Variants in DPP10 observed in about 807,000 individuals in gnomAD.
DPP10 encodes dipeptidyl peptidase like 10.
A neutral mutation model predicts 120.9 loss-of-function variants in DPP10; 33 were observed. The observed-to-expected ratio is 0.27, with a 90% CI of 0.21 to 0.37. DPP10 has a LOEUF of 0.37. Ranked by LOEUF, DPP10 falls within the 10% of genes least tolerant of loss-of-function variation. DPP10 has a pLI of 1.00. For missense variants in DPP10, 816 were observed against 942.8 expected (o/e 0.87, Z 1.76); for synonymous variants, 337 against 326.1 (o/e 1.03, Z -0.36).
At chr2:115,381,061 G>T (rs1018944318) in intron 3 of DPP10, among the ~76,000 whole-genome samples, 21 of 152,182 alleles carry the variant, frequency 1.4e-4, no homozygotes, top group African/African-American at 5.1e-4. Flanking sequence ...GAGTATCTTT[G>T]TGGCATTCTC....
chr2:115,340,377 T>C lies in DPP10; in HGVS notation c.176-3440T>C, dbSNP rs566317892. ...AAGGGCAAAGGACTTATATAAAAAA[T>C]CAAAGATAAAATAGTATTAATGTAC... On this transcript the variant is annotated intron_variant, in intron 2 of 25. Coordinates refer to ENST00000410059, the MANE Select transcript of DPP10 (RefSeq NM_020868.6). Among the ~76,000 whole-genome samples, 11 of 152,040 alleles carry C rather than the reference T, an allele frequency of 7.2e-5. No homozygotes were observed. In the East Asian group the frequency reaches 2.1e-3, roughly 29 times the overall value.
chr2:114,631,709 T>A (rs1168464533), intron 1 of DPP10, among the ~76,000 whole-genome samples: 2 of 152,158 alleles, frequency 1.3e-5, no homozygotes, highest in African/African-American at 4.8e-5. Context: ...AAATGTACCA[T>A]GCACCTCTTA....
At chr2:115,344,315 G>T (rs1478267862) in intron 3 of DPP10, among the ~76,000 whole-genome samples, 1 of 152,082 alleles carries the variant, frequency 6.6e-6, no homozygotes, top group Non-Finnish European at 1.5e-5. Context: ...TGTATCTGCT[G>T]CTCTCTCATG....
intron 1 of DPP10, among the ~76,000 whole-genome samples, chr2:114,512,510 C>T (rs889406699): frequency 1.3e-5 from 2 of 152,084 alleles, no homozygotes; most frequent in East Asian, 1.9e-4. Flanking sequence ...TTGGAGGTCT[C>T]GATTTTCTCA....
chr2:114,656,222 C>T (rs902908678), intron 1 of DPP10, among the ~76,000 whole-genome samples: 4 of 152,006 alleles, frequency 2.6e-5, no homozygotes, highest in Non-Finnish European at 2.9e-5. Flanking sequence ...AGCTAAGATT[C>T]GGTTTGGGGT....
At chr2:114,787,000 A>G (rs536942120) in intron 1 of DPP10, among the ~76,000 whole-genome samples, 1 of 152,292 alleles carries the variant, frequency 6.6e-6, no homozygotes, top group East Asian at 1.9e-4. Flanking sequence ...CTGGGGATAC[A>G]TCCTCCTCTC....
intron 2 of DPP10, among the ~76,000 whole-genome samples, chr2:115,342,518 A>G (rs886276295): frequency 2.6e-5 from 4 of 152,080 alleles, no homozygotes; most frequent in Non-Finnish European, 5.9e-5. Context: ...CTGGCCTGAC[A>G]TCTATTATAT....
At chr2:114,815,323 C>T (rs2106337017) in intron 1 of DPP10, among the ~76,000 whole-genome samples, 1 of 152,250 alleles carries the variant, frequency 6.6e-6, no homozygotes, top group East Asian at 1.9e-4. Flanking sequence ...GAAGAATGCC[C>T]AGCATTGAGC....
At chr2:114,777,826 T>C (rs1681900389) in intron 1 of DPP10, among the ~76,000 whole-genome samples, 1 of 152,092 alleles carries the variant, frequency 6.6e-6, no homozygotes, top group African/African-American at 2.4e-5. Flanking sequence ...AGATGCTTTA[T>C]AGTAAGTTCT....
rs527354086 is a variant in DPP10, at chr2:115,836,178, T to G, written c.1972T>G (p.Ser658Ala). 32 of 1,602,756 alleles carry G rather than the reference T, an allele frequency of 2.0e-5. No homozygotes were observed. The South Asian group carries it at 3.3e-4, about 16-fold the overall frequency. ...FGKGYGGYIA[S>A]MILKSDEKLF... ...CCAGGGTTATGGTGGCTATATTGCA[T>G]CAATGATCTTAAAATCAGATGAAAA... The change falls in exon 22 of 26, where the codon TCA (serine) becomes GCA (alanine). Residue 658 changes from serine (S) to alanine (A), a missense_variant. By Grantham distance (99) the Ser-to-Ala change is moderately conservative (BLOSUM62 1). Coordinates refer to ENST00000410059, the MANE Select transcript of DPP10 (RefSeq NM_020868.6).
intron 1 of DPP10, among the ~76,000 whole-genome samples, chr2:115,173,168 C>T (rs2053474154): frequency 6.6e-6 from 1 of 152,160 alleles, no homozygotes; most frequent in African/African-American, 2.4e-5. Context: ...ACTGCAGCTT[C>T]GTTCCTTCTC....
At chr2:115,839,001 T>C (rs1433064875) in intron 24 of DPP10, among the ~76,000 whole-genome samples, 3 of 152,168 alleles carry the variant, frequency 2.0e-5, no homozygotes, top group African/African-American at 7.2e-5. Context: ...CAAATATCAA[T>C]GGACTTTGCA....
At chr2:115,062,158 GTGTGTGTGTGTA>G (rs1706466568) in intron 1 of DPP10, among the ~76,000 whole-genome samples, 1 of 136,640 alleles carries the variant, frequency 7.3e-6, no homozygotes, top group African/African-American at 2.8e-5. Flanking sequence ...GTGTGTGTGT[GTGTGTGTGTGTA>G]TGTGTGTGCA....
chr2:115,280,334 A>T (rs1182066031), intron 1 of DPP10, among the ~76,000 whole-genome samples: 2 of 152,184 alleles, frequency 1.3e-5, no homozygotes, highest in Non-Finnish European at 2.9e-5. Flanking sequence ...AAAAATGAAT[A>T]TATTGGAAGC....
At chr2:115,126,476 C>T (rs992094879) in intron 1 of DPP10, among the ~76,000 whole-genome samples, 6 of 152,038 alleles carry the variant, frequency 3.9e-5, no homozygotes, top group East Asian at 1.9e-4. Flanking sequence ...TCTGTCCACC[C>T]GGAGTAGTTG....
intron 1 of DPP10, among the ~76,000 whole-genome samples, chr2:114,829,534 A>ATTTT (rs539035964): frequency 2.2e-5 from 3 of 138,508 alleles, no homozygotes; most frequent in African/African-American, 2.7e-5. Context: ...CACTCAGCTA[A>ATTTT]TTTTTTTTTT....
chr2:115,472,439 T>G (rs908287462), intron 3 of DPP10, among the ~76,000 whole-genome samples: 2 of 152,202 alleles, frequency 1.3e-5, no homozygotes, highest in Non-Finnish European at 2.9e-5. Flanking sequence ...TGTTATTTTA[T>G]TCTCAATATC....
intron 5 of DPP10, among the ~76,000 whole-genome samples, chr2:115,637,280 A>G (rs76577037): frequency 6.6e-6 from 1 of 152,180 alleles, no homozygotes; most frequent in African/African-American, 2.4e-5. Flanking sequence ...CTTTCAAAAA[A>G]CTGATTAAAA....
intron 5 of DPP10, among the ~76,000 whole-genome samples, chr2:115,623,343 G>A (rs1330251144): frequency 1.3e-5 from 2 of 152,174 alleles, no homozygotes; most frequent in African/African-American, 4.8e-5. Context: ...GCGTATGTCA[G>A]GATGTTTAGT....
Sources: allele counts gnomAD v4.1 joint callset (sites outside exome capture counted in the v4.1 genomes callset), GRCh38; gene constraint gnomAD v4.1.1; transcripts MANE v1.5; gene names NCBI Gene and HGNC (gene_info 2026-07-23, HGNC 2026-07-21).